The following RAB33A variants were observed in gnomAD, a reference collection of about 807,000 sequenced individuals.
The protein encoded by RAB33A is ras-related protein Rab-33A.
RAB33A carries 6 observed loss-of-function variants against 12.0 expected under a neutral mutation model. The observed-to-expected ratio is 0.50, with a 90% CI of 0.27 to 0.99. RAB33A has a LOEUF of 0.99. RAB33A is among the 50% of genes least tolerant of loss of function. RAB33A has a pLI of 0.11. For missense variants in RAB33A, 109 were observed against 192.0 expected, an observed-to-expected ratio of 0.57 and a Z score of 2.55; for synonymous variants, 70 against 82.4, an observed-to-expected ratio of 0.85 and a Z score of 0.81.
the RAB33A span, chrX:130,137,758 A>C: frequency 9.9e-7 from 1 of 1,013,987 alleles, no homozygotes; most frequent in African/African-American, 1.9e-5. Context: ...AGAGGAAAAG[A>C]AAGGAAAGAA....
the RAB33A span, among the ~76,000 whole-genome samples, chrX:130,158,389 T>C: frequency 8.9e-6 from 1 of 112,461 alleles, no homozygotes; most frequent in Non-Finnish European, 1.9e-5. Flanking sequence ...GACCCCGATC[T>C]AGAGCAGTGG....
chrX:130,164,778 T>C, the RAB33A span, among the ~76,000 whole-genome samples: 5 of 111,685 alleles, frequency 4.5e-5, no homozygotes, highest in Non-Finnish European at 7.5e-5. Flanking sequence ...TAGCAAACTA[T>C]CCTTAGCTCT....
chrX:130,136,380 C>T, the RAB33A span, among the ~76,000 whole-genome samples: 1 of 112,205 alleles, frequency 8.9e-6, no homozygotes, highest in African/African-American at 3.2e-5. Flanking sequence ...CCATGTCATT[C>T]GAACAGAAAT....
chrX:130,182,683 G>A (rs754674015), intron 1 of RAB33A, among the ~76,000 whole-genome samples: 1 of 109,863 alleles, frequency 9.1e-6, no homozygotes, highest in African/African-American at 3.3e-5. Flanking sequence ...GAACCCAGGT[G>A]GCAGAGGTTG....
chrX:130,114,099 G>C, the RAB33A span, among the ~76,000 whole-genome samples: 2 of 112,284 alleles, frequency 1.8e-5, no homozygotes, highest in Admixed American at 9.4e-5. Context: ...TCCCGTAAGT[G>C]AATGTAGTTT....
At chrX:130,140,422 A>G in the RAB33A span, 1 of 649,393 alleles carries the variant, frequency 1.5e-6, no homozygotes, top group African/African-American at 2.1e-5. Flanking sequence ...CTCACTTCAG[A>G]GAGTCTGGGT....
chrX:130,135,428 C>CTTTT, the RAB33A span, among the ~76,000 whole-genome samples: 1 of 54,687 alleles, frequency 1.8e-5, no homozygotes, highest in African/African-American at 5.9e-5. Context: ...TCCAGTACAT[C>CTTTT]TTTTTTTTTT....
chrX:130,168,662 A>G (rs775730767), upstream of RAB33A, among the ~76,000 whole-genome samples: 1 of 111,855 alleles, frequency 8.9e-6, no homozygotes, highest in South Asian at 3.7e-4. Flanking sequence ...AAGTGTTGGG[A>G]TTACACGTGT....
At chrX:130,178,232 T>C (rs1188838117) in intron 1 of RAB33A, among the ~76,000 whole-genome samples, 1 of 109,637 alleles carries the variant, frequency 9.1e-6, no homozygotes, top group Non-Finnish European at 1.9e-5. Flanking sequence ...GAGGGAGGAT[T>C]GCTTGCGCCT....
the RAB33A span, among the ~76,000 whole-genome samples, chrX:130,163,178 T>TGCA: frequency 9.1e-6 from 1 of 109,411 alleles, no homozygotes; most frequent in Non-Finnish European, 1.9e-5. Flanking sequence ...GGCGTGGTGG[T>TGCA]GCATGCCTGT....
the RAB33A span, among the ~76,000 whole-genome samples, chrX:130,166,599 G>A: frequency 1.8e-5 from 2 of 112,511 alleles, no homozygotes; most frequent in Non-Finnish European, 3.7e-5. Context: ...TGTTTTGGCT[G>A]CATGCAGAAC....
the RAB33A span, chrX:130,129,349 C>G: frequency 2.3e-6 from 1 of 443,962 alleles, no homozygotes; most frequent in Non-Finnish European, 4.0e-6. Flanking sequence ...GCCCCCTTGA[C>G]AAGAGAACAG....
the RAB33A span, among the ~76,000 whole-genome samples, chrX:130,146,469 G>A: frequency 2.8e-5 from 3 of 107,678 alleles, no homozygotes; most frequent in Admixed American, 3.1e-4. Flanking sequence ...GTGTGTGTGT[G>A]TGTGTGTGTG....
At chrX:130,182,179 T>TATATACATACACAC (rs370694549) in intron 1 of RAB33A, among the ~76,000 whole-genome samples, 3 of 72,698 alleles carry the variant, frequency 4.1e-5, no homozygotes, top group African/African-American at 6.2e-5. Flanking sequence ...TATATATATA[T>TATATACATACACAC]ATACACATAT....
chrX:130,121,943 G>A, the RAB33A span, among the ~76,000 whole-genome samples: 1 of 112,168 alleles, frequency 8.9e-6, no homozygotes. Context: ...CTTCAGGCGG[G>A]ATTTGGAACA....
chrX:130,153,783 G>C, the RAB33A span, among the ~76,000 whole-genome samples: 1 of 111,641 alleles, frequency 9.0e-6, no homozygotes, highest in Non-Finnish European at 1.9e-5. Context: ...GCTAAGAAGA[G>C]AGCCCTCACC....
At chrX:130,145,399 G>A in the RAB33A span, 13 of 748,986 alleles carry the variant, frequency 1.7e-5, no homozygotes, top group South Asian at 2.7e-4. Flanking sequence ...AGACATAAAT[G>A]GTAATGGAAA....
chrX:130,124,814 G>A, the RAB33A span, among the ~76,000 whole-genome samples: 1 of 112,112 alleles, frequency 8.9e-6, no homozygotes, highest in Non-Finnish European at 1.9e-5. Flanking sequence ...GTTTAAGGAA[G>A]TCAGGCTTTG....
At chrX:130,154,371 T>C in the RAB33A span, among the ~76,000 whole-genome samples, 1 of 112,382 alleles carries the variant, frequency 8.9e-6, no homozygotes, top group Non-Finnish European at 1.9e-5. Flanking sequence ...TTTAAATTGT[T>C]ACCAACATAC....
Sources: gnomAD v4.1 joint callset for allele counts (sites outside exome capture counted in the v4.1 genomes callset) on GRCh38, gnomAD v4.1.1 for gene constraint, MANE v1.5 for transcripts, NCBI Gene and HGNC (gene_info 2026-07-23, HGNC 2026-07-21) for gene names.